The following DLG5 variants were observed in gnomAD, a reference collection of about 807,000 sequenced individuals.
The protein encoded by DLG5 is discs large MAGUK scaffold protein 5.
In DLG5, 48 loss-of-function variants were observed where a neutral mutation model predicts 189.8. The ratio of observed to expected loss-of-function variants is 0.25; its 90% CI spans 0.20 to 0.32. The LOEUF (loss-of-function observed/expected upper bound fraction) is 0.32. Among genes scored for constraint, DLG5 ranks in the 10% least tolerant of loss-of-function variants. The pLI, the probability that DLG5 is intolerant of heterozygous loss-of-function variation, is 1.00. For synonymous variants in DLG5, 1,016 were observed against 1,054.1 expected (o/e 0.96, Z 0.70); for missense variants, 2,160 against 2,544.7 (o/e 0.85, Z 3.25).
Position 77,854,222 on chromosome 10 carries a change from C to G in DLG5, c.680+5G>C. 6.2e-7 allele frequency: 1 copy of G among 1,613,910 alleles called. No individual in the cohort carries two copies. On this transcript the variant is annotated splice_donor_5th_base_variant and intron_variant, in intron 4 of 31. Coordinates refer to ENST00000372391, the MANE Select transcript of DLG5 (RefSeq NM_004747.4). Reference sequence around the variant, plus strand: ...GGAGGCCCTGGCCAAGCAGGCCTCACTCACTGGTAGAAGTCAGTCTCCTTG... The same window carrying G: ...GGAGGCCCTGGCCAAGCAGGCCTCAGTCACTGGTAGAAGTCAGTCTCCTTG...
In DLG5 at chr10:77,849,818, A is replaced by G. The variant is rs1434190643; in HGVS notation, c.864+3536T>C. On this transcript the variant is annotated intron_variant, in intron 5 of 31. Coordinates refer to ENST00000372391, the MANE Select transcript of DLG5 (RefSeq NM_004747.4). ...TCAAGAAAGTCAGAGAACGGGAGAC[A>G]AGGAAACTTTACGCTTCTTGAGGGC... 3.9e-5 allele frequency among the ~76,000 whole-genome samples: 6 copies of G among 152,230 alleles called. No individual in the cohort carries two copies. The South Asian group carries it at 1.0e-3, about 26-fold the overall frequency.
upstream of DLG5, among the ~76,000 whole-genome samples, chr10:77,931,239 G>A (rs531496310): frequency 2.0e-5 from 3 of 151,872 alleles, no homozygotes; most frequent in East Asian, 3.9e-4. Flanking sequence ...ATAGGCGTGA[G>A]CCACTGTGCC....
chr10:77,882,823 T>G (rs1589250853), intron 1 of DLG5, among the ~76,000 whole-genome samples: 1 of 146,462 alleles, frequency 6.8e-6, no homozygotes, highest in South Asian at 2.2e-4. Flanking sequence ...CTCGGGAGGG[T>G]GAGGCACGAG....
chr10:77,917,714 T>C (rs769098808), intron 1 of DLG5, among the ~76,000 whole-genome samples: 20 of 152,170 alleles, frequency 1.3e-4, no homozygotes, highest in Non-Finnish European at 2.5e-4. Context: ...GGTGCTGATG[T>C]TTGCACAGCA....
intron 7 of DLG5, among the ~76,000 whole-genome samples, chr10:77,836,157 G>A (rs1843124613): frequency 3.3e-5 from 5 of 152,068 alleles, no homozygotes; most frequent in Admixed American, 2.0e-4. Flanking sequence ...GGCATACTGA[G>A]TTATTTTTAA....
rs10531052 is a variant in DLG5, at chr10:77,837,214, C to CAA, written c.1438-1294_1438-1293dup. ...TGGACAACAGAGGGAGACTCGGTCT[C>CAA]AAAAAAAAAAAAAAAAAAAAAAAAA... On this transcript the variant is annotated intron_variant, in intron 7 of 31. Coordinates refer to ENST00000372391, the MANE Select transcript of DLG5 (RefSeq NM_004747.4). Among the ~76,000 whole-genome samples the CAA allele has an allele frequency of 3.3e-4, 23 of 69,690 alleles. 1 individual carries two copies. Among genetic ancestry groups the CAA allele is most frequent in the South Asian group, 6.1e-4 (1 of 1,650 alleles). 45.7% of individuals were successfully genotyped at this position (69,690 alleles called of 152,430 possible). A position where few individuals can be genotyped will look rare whatever the true frequency, so the allele number is the denominator to read the frequency against.
the DLG5 span, among the ~76,000 whole-genome samples, chr10:77,933,920 C>T: frequency 6.7e-6 from 1 of 148,376 alleles, no homozygotes. Flanking sequence ...CGGTGGCTCA[C>T]ACCTGTAATC....
chr10:77,892,811 A>T (rs1845649849), intron 1 of DLG5, among the ~76,000 whole-genome samples: 1 of 152,214 alleles, frequency 6.6e-6, no homozygotes, highest in Non-Finnish European at 1.5e-5. Context: ...GTCCATTTTA[A>T]AGGGTAATCA....
At chr10:77,803,741 C>T (rs1461486509) in intron 27 of DLG5, among the ~76,000 whole-genome samples, 3 of 151,992 alleles carry the variant, frequency 2.0e-5, no homozygotes, top group South Asian at 4.1e-4. Flanking sequence ...AAGACACTAG[C>T]ACCACCGGAC....
At chr10:77,876,505 G>A (rs1384847957) in intron 1 of DLG5, among the ~76,000 whole-genome samples, 1 of 151,754 alleles carries the variant, frequency 6.6e-6, no homozygotes, top group East Asian at 1.9e-4. Flanking sequence ...CTCCTGAGTA[G>A]CTGGGACTAC....
At chr10:77,795,216 G>C (rs980671951) in intron 29 of DLG5, among the ~76,000 whole-genome samples, 3 of 152,200 alleles carry the variant, frequency 2.0e-5, no homozygotes, top group Non-Finnish European at 4.4e-5. Flanking sequence ...TTCCTTTCCC[G>C]CCTTTGCCCA....
chr10:77,845,042 G>A lies in DLG5; in HGVS notation c.865-1336C>T, dbSNP rs903288211. On this transcript the variant is annotated intron_variant, in intron 5 of 31. Coordinates refer to ENST00000372391, the MANE Select transcript of DLG5 (RefSeq NM_004747.4). ...CCATGGCCGCAGGCCTCACAGTGAA[G>A]ACTGTCTCCTGAGTGAGACAGGAAG... Among the ~76,000 whole-genome samples, 9 of 152,250 alleles carry A rather than the reference G, an allele frequency of 5.9e-5. 1 individual carries two copies. The highest frequency in any genetic ancestry group is 4.6e-4 in the Admixed American group (7 of 15,286).
chr10:77,884,094 T>G (rs1041847380), intron 1 of DLG5, among the ~76,000 whole-genome samples: 10 of 152,058 alleles, frequency 6.6e-5, no homozygotes, highest in South Asian at 2.1e-4. Context: ...GGAAAAGACA[T>G]AGAAAGATCA....
intron 1 of DLG5, among the ~76,000 whole-genome samples, chr10:77,897,358 A>AAAATAAAT (rs566516489): frequency 1.3e-3 from 196 of 151,666 alleles, no homozygotes; most frequent in African/African-American, 4.3e-3. Context: ...TCCATCTCCA[A>AAAATAAAT]AAATAAATAA....
intron 1 of DLG5, among the ~76,000 whole-genome samples, chr10:77,877,831 C>T (rs1029088850): frequency 3.0e-4 from 46 of 152,096 alleles, no homozygotes; most frequent in Non-Finnish European, 4.6e-4. Flanking sequence ...CTGACAGCAC[C>T]CACAAGGCGA....
At chr10:77,799,471 G>A (rs1474832790) in intron 27 of DLG5, among the ~76,000 whole-genome samples, 3 of 152,180 alleles carry the variant, frequency 2.0e-5, no homozygotes, top group African/African-American at 7.2e-5. Flanking sequence ...CAGCAAGGAG[G>A]CAGCTGCGTA....
At chr10:77,935,965 T>C in the DLG5 span, among the ~76,000 whole-genome samples, 2 of 152,190 alleles carry the variant, frequency 1.3e-5, no homozygotes, top group Admixed American at 6.5e-5. Flanking sequence ...TTTAGGAAAA[T>C]GCCATATTGC....
chr10:77,854,215 G>C lies in DLG5; in HGVS notation c.680+12C>G, dbSNP rs766039398. The C allele has an allele frequency of 6.2e-7, 1 of 1,613,584 alleles. No homozygotes were observed. The highest frequency in any genetic ancestry group is 2.2e-5 in the East Asian group (1 of 44,884). On this transcript the variant is annotated intron_variant, in intron 4 of 31. Transcript: ENST00000372391. ...GGGTGTTGGAGGCCCTGGCCAAGCA[G>C]GCCTCACTCACTGGTAGAAGTCAGT...
At position 77,843,443 on chromosome 10, in the gene DLG5, C is replaced by G. The variant is rs1843527396; in HGVS notation, c.1124+4G>C. ...CCCCCGGCCCCCGATGGCCCTAGCC[C>G]TACCTCCTCAGGGAGAGGGCGCACT... On this transcript the variant is annotated splice_donor_region_variant and intron_variant, in intron 6 of 31. Transcript: ENST00000372391. 6.2e-7 allele frequency: 1 copy of G among 1,613,288 alleles called. No homozygotes were observed. Among genetic ancestry groups the G allele is most frequent in the East Asian group, 2.2e-5 (1 of 44,886 alleles).
Sources: allele counts gnomAD v4.1 joint callset (sites outside exome capture counted in the v4.1 genomes callset), GRCh38; gene constraint gnomAD v4.1.1; transcripts MANE v1.5; gene names NCBI Gene and HGNC (gene_info 2026-07-23, HGNC 2026-07-21).